The following LTAP1 variants were observed in gnomAD, a reference collection of about 807,000 sequenced individuals.
LTAP1 encodes the protein lipid transport auxiliary protein 1.
chr1:154,208,698 G>A, the LTAP1 span, among the ~76,000 whole-genome samples: 1 of 152,152 alleles, frequency 6.6e-6, no homozygotes, highest in Non-Finnish European at 1.5e-5. Flanking sequence ...AGATTTCAAA[G>A]CCTATACTCT....
At chr1:154,214,595 T>C in the LTAP1 span, 1 of 1,497,764 alleles carries the variant, frequency 6.7e-7, no homozygotes, top group Non-Finnish European at 9.3e-7. Flanking sequence ...AAAAAAAGAA[T>C]ACACAATCAT....
At chr1:154,207,374 C>T in the LTAP1 span, 14 of 1,407,636 alleles carry the variant, frequency 9.9e-6, no homozygotes, top group African/African-American at 5.6e-5. Context: ...CCAGATGTTC[C>T]GAGGGCGGCC....
chr1:154,213,570 A>T, the LTAP1 span, among the ~76,000 whole-genome samples: 1 of 152,212 alleles, frequency 6.6e-6, no homozygotes, highest in East Asian at 1.9e-4. Flanking sequence ...ATTCAAGAAC[A>T]ATCTATCTTG....
At chr1:154,216,129 G>A in the LTAP1 span, among the ~76,000 whole-genome samples, 35 of 152,138 alleles carry the variant, frequency 2.3e-4, no homozygotes, top group African/African-American at 6.0e-4. Context: ...GAGCCACCGC[G>A]CCCGGCCCTA....
chr1:154,217,112 A>G, the LTAP1 span, among the ~76,000 whole-genome samples: 1 of 151,138 alleles, frequency 6.6e-6, no homozygotes, highest in African/African-American at 2.4e-5. Flanking sequence ...ACGCCCAGCT[A>G]ATTTTTTTGC....
the LTAP1 span, among the ~76,000 whole-genome samples, chr1:154,211,227 A>G: frequency 7.0e-6 from 1 of 142,930 alleles, no homozygotes; most frequent in Non-Finnish European, 1.5e-5. Flanking sequence ...CTGGTCTTGA[A>G]CTCCTGACCT....
At chr1:154,211,130 G>A in the LTAP1 span, among the ~76,000 whole-genome samples, 3 of 150,916 alleles carry the variant, frequency 2.0e-5, no homozygotes, top group South Asian at 2.1e-4. Context: ...TCAGCCTCCC[G>A]AGTAGCTGGT....
At chr1:154,207,241 T>C in the LTAP1 span, 30 of 440,706 alleles carry the variant, frequency 6.8e-5, no homozygotes, top group Admixed American at 2.4e-4. Flanking sequence ...TGGGGGAAAA[T>C]AGTCTTAGCC....
chr1:154,220,236 T>G, the LTAP1 span: 26 of 1,362,758 alleles, frequency 1.9e-5, no homozygotes, highest in Non-Finnish European at 2.6e-5. Flanking sequence ...AAAGCCCGGA[T>G]AGGCGCAGGT....
the LTAP1 span, among the ~76,000 whole-genome samples, chr1:154,215,570 A>AG: frequency 6.6e-6 from 1 of 151,846 alleles, no homozygotes; most frequent in Non-Finnish European, 1.5e-5. Flanking sequence ...CTCCAAAAAA[A>AG]AAAAAAAAGA....
the LTAP1 span, chr1:154,211,999 G>A: frequency 3.5e-6 from 1 of 286,738 alleles, no homozygotes; most frequent in African/African-American, 2.2e-5. Context: ...TAGGATTACA[G>A]GCATGCGCCA....
the LTAP1 span, among the ~76,000 whole-genome samples, chr1:154,218,285 T>C: frequency 6.6e-6 from 1 of 152,210 alleles, no homozygotes; most frequent in Non-Finnish European, 1.5e-5. Flanking sequence ...TGACCAGTTA[T>C]TTTCCAAAGT....
chr1:154,215,876 C>T, the LTAP1 span, among the ~76,000 whole-genome samples: 4 of 149,406 alleles, frequency 2.7e-5, no homozygotes, highest in African/African-American at 4.9e-5. Flanking sequence ...CTCGCTCTGT[C>T]GCCCAGGCTG....
chr1:154,219,813 T>C, the LTAP1 span: 1 of 1,526,836 alleles, frequency 6.5e-7, no homozygotes, highest in Non-Finnish European at 8.9e-7. Context: ...GAAGTATGTT[T>C]AACTTGTGCC....
chr1:154,220,584 A>T, the LTAP1 span: 1 of 645,722 alleles, frequency 1.5e-6, no homozygotes, highest in East Asian at 2.7e-5. Context: ...GAGAGCTGGG[A>T]AAGGAGAACG....
chr1:154,219,127 T>C, the LTAP1 span, among the ~76,000 whole-genome samples: 1 of 152,162 alleles, frequency 6.6e-6, no homozygotes, highest in African/African-American at 2.4e-5. Context: ...AGAAGCAGAA[T>C]GAGAGTGGCA....
At chr1:154,213,844 T>C in the LTAP1 span, 1 of 1,503,616 alleles carries the variant, frequency 6.7e-7, no homozygotes, top group Non-Finnish European at 9.2e-7. Context: ...CTCTGTTCCC[T>C]AGGTGGGCTT....
chr1:154,215,589 G>C, the LTAP1 span, among the ~76,000 whole-genome samples: 87 of 151,474 alleles, frequency 5.7e-4, no homozygotes, highest in South Asian at 3.3e-3. Context: ...GATACTAAAG[G>C]TAGCACCTCT....
the LTAP1 span, among the ~76,000 whole-genome samples, chr1:154,216,234 T>C: frequency 6.6e-6 from 1 of 152,164 alleles, no homozygotes; most frequent in East Asian, 1.9e-4. Flanking sequence ...TTCTTCACTG[T>C]TTTATCGTGT....
Sources: allele counts gnomAD v4.1 joint callset (sites outside exome capture counted in the v4.1 genomes callset), GRCh38; gene constraint gnomAD v4.1.1; transcripts MANE v1.5; gene names NCBI Gene and HGNC (gene_info 2026-07-23, HGNC 2026-07-21).